Variants in SYNRG observed in about 807,000 individuals in gnomAD.
The protein encoded by SYNRG is AP1 gamma subunit binding protein 1.
A neutral mutation model predicts 130.9 loss-of-function variants in SYNRG; 37 were observed. The observed-to-expected ratio is 0.28, with a 90% CI of 0.22 to 0.37. The LOEUF is 0.37. Among genes scored for constraint, SYNRG ranks in the 10% least tolerant of loss-of-function variants. The probability of loss-of-function intolerance (pLI) is 1.00; values close to 1 mark genes in which losing one functional copy is unlikely to be tolerated. For missense variants in SYNRG, 1,338 were observed against 1,588.9 expected (o/e 0.84, Z 2.68); for synonymous variants, 539 against 568.1 (o/e 0.95, Z 0.73).
Position 37,570,703 on chromosome 17 carries a change from A to T in SYNRG, c.1281T>A (p.Val427=). The part of the protein sequence containing the change: ...LGQPVMGINL[V]GPVGGAAAQA... ...GGGCTGCAGCTCCACCCACTGGTCC[A>T]ACAAGGTTAATGCCCATGACTGGCT... is the stretch of plus-strand genomic sequence containing the variant. The change falls in exon 10 of 22, where the codon GTT becomes GTA. Residue 427 remains valine (V), a synonymous_variant. Transcript: ENST00000612223. 6.2e-7 allele frequency: 1 copy of T among 1,614,226 alleles called. No homozygotes were observed. The highest frequency in any genetic ancestry group is 8.5e-7 in the Non-Finnish European group (1 of 1,180,034).
Position 37,609,380 on chromosome 17 carries a change from T to TCGC in SYNRG, c.-28_-26dup. ...TCTTGCTCCCGACCTGCCGCTGCCT[T>TCGC]CGCCGCCGCCACCTTATCAGCAGCT... On this transcript the variant is annotated 5_prime_UTR_variant, in exon 1 of 22. Coordinates refer to ENST00000612223, the MANE Select transcript of SYNRG (RefSeq NM_007247.6). 7.1e-7 allele frequency: 1 copy of TCGC among 1,406,826 alleles called. No homozygotes were observed. The highest frequency in any genetic ancestry group is 9.2e-7 in the Non-Finnish European group (1 of 1,084,500). The allele number at this position is 1,406,826 out of a possible 1,614,324, so 87.1% of individuals were successfully genotyped here. A position where few individuals can be genotyped will look rare whatever the true frequency, so the allele number is the denominator to read the frequency against.
In SYNRG at chr17:37,577,562, C is replaced by G. The variant is rs2060935550; in HGVS notation, c.641G>C (p.Gly214Ala). 6.2e-7 allele frequency: 1 copy of G among 1,614,090 alleles called. No individual in the cohort carries two copies. Among genetic ancestry groups the G allele is most frequent in the Non-Finnish European group, 8.5e-7 (1 of 1,180,018 alleles). The change falls in exon 7 of 22, where the codon GGG becomes GCG. Residue 214 changes from glycine to alanine, a missense_variant. Gly to Ala is a moderately conservative substitution (Grantham distance 60). Coordinates refer to ENST00000612223, the MANE Select transcript of SYNRG (RefSeq NM_007247.6). The stretch of plus-strand genomic sequence containing the variant: ...AGTATTTAATTTAATTTGTTCCTGC[C>G]CAGATGTACTTATATCACAAGATAC... ...FLVSCDISTSGQEQIKLNTSE... is the reference protein window; with the variant it reads ...FLVSCDISTSAQEQIKLNTSE...
chr17:37,578,712 A>G (rs1043659117), intron 6 of SYNRG, among the ~76,000 whole-genome samples: 2 of 152,222 alleles, frequency 1.3e-5, no homozygotes, highest in East Asian at 3.9e-4. Flanking sequence ...AATCTAAGGC[A>G]CACCAAGGAC....
At chr17:37,537,494 G>A (rs897727246) in intron 18 of SYNRG, 2 of 152,342 alleles carry the variant, frequency 1.3e-5, no homozygotes, top group Non-Finnish European at 2.9e-5. Context: ...TGGGTGCATG[G>A]TGGTGCACAC....
chr17:37,556,681 T>A (rs983375414), intron 13 of SYNRG, among the ~76,000 whole-genome samples: 1 of 152,142 alleles, frequency 6.6e-6, no homozygotes, highest in Non-Finnish European at 1.5e-5. Flanking sequence ...AGATTTCCTG[T>A]AATTTATATT....
At chr17:37,560,825 C>T (rs1173747125) in intron 13 of SYNRG, among the ~76,000 whole-genome samples, 5 of 151,448 alleles carry the variant, frequency 3.3e-5, no homozygotes, top group African/African-American at 4.9e-5. Context: ...CCATCACACC[C>T]GGCTAATTTT....
In SYNRG at chr17:37,540,578, G is replaced by A. The variant is rs2057655980; in HGVS notation, c.3203-35C>T. On this transcript the variant is annotated intron_variant, in intron 15 of 21. Coordinates refer to ENST00000612223, the MANE Select transcript of SYNRG (RefSeq NM_007247.6). ...GGGGATAATACAGTCAAAGGTTTTGGCTACTCACCTTAGTTCAGGCAGAGG... is the reference window on the plus strand; with the variant it reads ...GGGGATAATACAGTCAAAGGTTTTGACTACTCACCTTAGTTCAGGCAGAGG... 1.9e-6 allele frequency: 3 copies of A among 1,601,528 alleles called. No individual in the cohort carries two copies. The East Asian group carries it at 6.7e-5, about 36-fold the overall frequency.
chr17:37,577,120 GA>G (rs1374311373), intron 7 of SYNRG, among the ~76,000 whole-genome samples: 1 of 152,092 alleles, frequency 6.6e-6, no homozygotes, highest in Non-Finnish European at 1.5e-5. Context: ...TAAAAGGAAA[GA>G]AAATTTTAAA....
chr17:37,567,789 C>CA (rs2060105852), intron 11 of SYNRG: 1 of 152,172 alleles, frequency 6.6e-6, no homozygotes. Context: ...TAAACAGGAA[C>CA]AGAGGAGACA....
At chr17:37,593,243 T>C (rs2062367192) in intron 3 of SYNRG, among the ~76,000 whole-genome samples, 1 of 151,986 alleles carries the variant, frequency 6.6e-6, no homozygotes, top group Non-Finnish European at 1.5e-5. Flanking sequence ...TGAAATGCTG[T>C]CTCTACTAAA....
At chr17:37,576,225 A>C in intron 8 of SYNRG, 116 bp downstream of exon 8, 1 of 962,070 alleles carries the variant, frequency 1.0e-6, no homozygotes, top group East Asian at 2.6e-5. Flanking sequence ...AAAAAAAGAA[A>C]AGTGACAACT....
At chr17:37,570,934 G>A (rs767471751) in intron 9 of SYNRG, 49 bp from the exon 10 acceptor site, 22 of 1,555,304 alleles carry the variant, frequency 1.4e-5, no homozygotes, top group Middle Eastern at 3.4e-4. Flanking sequence ...AACCACATAC[G>A]GTCGAAATCT....
intron 19 of SYNRG, among the ~76,000 whole-genome samples, chr17:37,534,235 G>A (rs1383509104): frequency 6.6e-6 from 1 of 151,742 alleles, no homozygotes; most frequent in African/African-American, 2.4e-5. Flanking sequence ...GAGCCACCAT[G>A]CCCAGCCTAA....
intron 11 of SYNRG, 28 bp from the exon 12 acceptor site, chr17:37,561,617 T>C (rs987136844): frequency 6.6e-7 from 1 of 1,510,426 alleles, no homozygotes; most frequent in East Asian, 2.3e-5. Flanking sequence ...CATATTTTGA[T>C]GACATTGAAT....
chr17:37,606,653 G>GA lies in SYNRG; in HGVS notation c.77+2625dup, dbSNP rs201342494. 2.0e-4 allele frequency among the ~76,000 whole-genome samples: 30 copies of GA among 147,498 alleles called. No homozygotes were observed. The East Asian group carries it at 4.9e-3, about 24-fold the overall frequency. ...CTTTTTTTTTTCTGCCTTGATTAAA[G>GA]AAAAAAAAAATTTATACTTCTCATC... On this transcript the variant is annotated intron_variant, in intron 1 of 21. Coordinates refer to ENST00000612223, the MANE Select transcript of SYNRG (RefSeq NM_007247.6).
intron 14 of SYNRG, among the ~76,000 whole-genome samples, chr17:37,544,126 G>A (rs2058041970): frequency 6.6e-6 from 1 of 152,194 alleles, no homozygotes. Flanking sequence ...TCTTTGAGCT[G>A]TTAGGAAAGG....
At chr17:37,573,487 C>CGA (rs1240869726) in intron 8 of SYNRG, among the ~76,000 whole-genome samples, 4 of 151,904 alleles carry the variant, frequency 2.6e-5, no homozygotes, top group Non-Finnish European at 5.9e-5. Context: ...AGGAAGAGGG[C>CGA]GAAAGTAAAG....
intron 6 of SYNRG, 117 bp downstream of exon 6, chr17:37,584,531 T>G (rs2061552670): frequency 2.5e-6 from 2 of 784,626 alleles, no homozygotes; most frequent in African/African-American, 3.4e-5. Flanking sequence ...TGTACTTAGC[T>G]TGAAGGAAGA....
intron 3 of SYNRG, among the ~76,000 whole-genome samples, chr17:37,587,207 C>A (rs1357873100): frequency 6.6e-6 from 1 of 152,054 alleles, no homozygotes; most frequent in Non-Finnish European, 1.5e-5. Flanking sequence ...AGAGCAAAGG[C>A]GCAATCACAA....
Sources: gnomAD v4.1 joint callset for allele counts (sites outside exome capture counted in the v4.1 genomes callset) on GRCh38, gnomAD v4.1.1 for gene constraint, MANE v1.5 for transcripts, NCBI Gene and HGNC (gene_info 2026-07-23, HGNC 2026-07-21) for gene names.